Variants in C12orf56 observed in about 807,000 individuals in gnomAD.
C12orf56 encodes the protein uncharacterized protein C12orf56.
Under a neutral mutation model 69.9 loss-of-function variants are expected in C12orf56, and 71 were observed. The ratio of observed to expected loss-of-function variants is 1.02; its 90% confidence interval spans 0.84 to 1.24. The LOEUF (loss-of-function observed/expected upper bound fraction) is 1.24, where lower values mean the gene tolerates loss of function less well. C12orf56 is among the 50% of genes most tolerant of loss of function. The pLI is 0.00. For synonymous variants in C12orf56, 276 were observed against 274.1 expected (o/e 1.01, Z -0.07); for missense variants, 732 against 738.5 (o/e 0.99, Z 0.10).
At chr12:64,333,372 C>A (rs2038954934) in intron 2 of C12orf56, among the ~76,000 whole-genome samples, 2 of 152,040 alleles carry the variant, frequency 1.3e-5, no homozygotes, top group African/African-American at 4.8e-5. Context: ...CTCATTCCAT[C>A]CAAATTCACT....
At chr12:64,387,258 T>C (rs1433751317) in intron 1 of C12orf56, among the ~76,000 whole-genome samples, 3 of 152,134 alleles carry the variant, frequency 2.0e-5, no homozygotes, top group Non-Finnish European at 4.4e-5. Context: ...AGCGTGTGCT[T>C]ATCTTTGGGG....
At chr12:64,361,737 C>CTT (rs879816279) in intron 1 of C12orf56, among the ~76,000 whole-genome samples, 1 of 146,552 alleles carries the variant, frequency 6.8e-6, no homozygotes, top group African/African-American at 2.5e-5. Context: ...TCTTCCTTTA[C>CTT]TTTTTTTTTT....
At chr12:64,280,961 T>C (rs1365558254) in intron 8 of C12orf56, among the ~76,000 whole-genome samples, 1 of 152,164 alleles carries the variant, frequency 6.6e-6, no homozygotes, top group Non-Finnish European at 1.5e-5. Context: ...GATAATTTGT[T>C]ATATGGCAAT....
intron 1 of C12orf56, among the ~76,000 whole-genome samples, chr12:64,381,765 A>C (rs927754656): frequency 3.9e-5 from 6 of 152,202 alleles, no homozygotes; most frequent in Admixed American, 3.3e-4. Flanking sequence ...CAGAAAGTTC[A>C]TGAATATATT....
Position 64,303,770 on chromosome 12 carries a change from C to T in C12orf56, c.978G>A (p.Glu326=). Residue 326 remains glutamate, a synonymous_variant, in exon 6 of 13, where the codon GAG becomes GAA. Transcript: ENST00000543942. ...TAAGTTGACTGAAGTGCTTAATTTT[C>T]TCCTCAGACCTACAGAAACAGAAGA... ...IGSQKPYRSE[E]KIKHFSQLKS... 1 of 1,582,390 alleles carries T rather than the reference C, an allele frequency of 6.3e-7. No individual in the cohort carries two copies. The highest frequency in any genetic ancestry group is 1.4e-5 in the African/African-American group (1 of 73,984).
intron 1 of C12orf56, among the ~76,000 whole-genome samples, chr12:64,382,039 A>C (rs1191261953): frequency 6.6e-6 from 1 of 152,100 alleles, no homozygotes; most frequent in African/African-American, 2.4e-5. Flanking sequence ...AGGTGGGTGG[A>C]TCACCTGAGG....
chr12:64,373,051 T>C (rs2039594388), intron 1 of C12orf56, among the ~76,000 whole-genome samples: 2 of 152,180 alleles, frequency 1.3e-5, no homozygotes, highest in Admixed American at 6.6e-5. Flanking sequence ...TGTTTTCACA[T>C]TTCATTATCA....
chr12:64,284,534 A>G, intron 8 of C12orf56, 130 bp downstream of exon 8: 1 of 587,296 alleles, frequency 1.7e-6, no homozygotes, highest in Non-Finnish European at 2.8e-6. Context: ...GGAGAAAAAC[A>G]AAAGAGTGAA....
chr12:64,286,929 T>C (rs566048492), intron 6 of C12orf56, among the ~76,000 whole-genome samples: 2 of 152,068 alleles, frequency 1.3e-5, no homozygotes, highest in Non-Finnish European at 2.9e-5. Flanking sequence ...TCAGAAGTGC[T>C]TGGGATTTGA....
chr12:64,345,426 G>C (rs2039127461), intron 2 of C12orf56, among the ~76,000 whole-genome samples: 2 of 152,276 alleles, frequency 1.3e-5, no homozygotes, highest in South Asian at 4.1e-4. Context: ...GCAAAAAAAA[G>C]TTCATCAGAG....
At chr12:64,382,797 C>T (rs951869945) in intron 1 of C12orf56, among the ~76,000 whole-genome samples, 15 of 147,582 alleles carry the variant, frequency 1.0e-4, no homozygotes, top group African/African-American at 2.3e-4. Flanking sequence ...GGTGTGAACC[C>T]GGGAGGCGGA....
chr12:64,285,733 G>T (rs7971774), intron 7 of C12orf56, among the ~76,000 whole-genome samples: 1 of 152,150 alleles, frequency 6.6e-6, no homozygotes, highest in East Asian at 1.9e-4. Context: ...AATTGCAGTG[G>T]GCAAAGATCG....
intron 1 of C12orf56, among the ~76,000 whole-genome samples, chr12:64,384,544 C>A (rs2039762012): frequency 6.6e-6 from 1 of 152,104 alleles, no homozygotes; most frequent in Non-Finnish European, 1.5e-5. Flanking sequence ...GCAGGCCAGG[C>A]TGTAAAAGGT....
intron 8 of C12orf56, among the ~76,000 whole-genome samples, chr12:64,278,432 C>A (rs1427604488): frequency 6.6e-6 from 1 of 152,044 alleles, no homozygotes; most frequent in African/African-American, 2.4e-5. Flanking sequence ...AGATTACAGG[C>A]TTGAGCGACC....
intron 3 of C12orf56, among the ~76,000 whole-genome samples, chr12:64,322,853 C>T (rs2038790071): frequency 6.6e-6 from 1 of 152,148 alleles, no homozygotes; most frequent in Non-Finnish European, 1.5e-5. Context: ...AACTATGGGA[C>T]AGTAGACCCA....
chr12:64,384,934 A>G (rs1243196922), intron 1 of C12orf56, among the ~76,000 whole-genome samples: 2 of 152,058 alleles, frequency 1.3e-5, no homozygotes, highest in African/African-American at 4.8e-5. Context: ...CGAGCCTGTA[A>G]TCCCAGCTAC....
chr12:64,373,483 T>C (rs923421241), intron 1 of C12orf56, among the ~76,000 whole-genome samples: 1 of 152,120 alleles, frequency 6.6e-6, no homozygotes, highest in Non-Finnish European at 1.5e-5. Flanking sequence ...CTGATATCCA[T>C]GTAATGGAAG....
intron 6 of C12orf56, among the ~76,000 whole-genome samples, chr12:64,289,344 C>A (rs1252516805): frequency 1.4e-4 from 18 of 128,886 alleles, no homozygotes; most frequent in African/African-American, 3.8e-4. Flanking sequence ...CCTTTATTTC[C>A]TTCTCCTGCC....
chr12:64,387,077 C>CAACAAAAAAAAAA (rs1201123599), intron 1 of C12orf56, among the ~76,000 whole-genome samples: 7 of 42,086 alleles, frequency 1.7e-4, no homozygotes, highest in African/African-American at 7.7e-4. Flanking sequence ...GACTCTATCT[C>CAACAAAAAAAAAA]AAAAAAAAAA....
Sources: allele counts gnomAD v4.1 joint callset (sites outside exome capture counted in the v4.1 genomes callset), GRCh38; gene constraint gnomAD v4.1.1; transcripts MANE v1.5; gene names NCBI Gene and HGNC (gene_info 2026-07-23, HGNC 2026-07-21).